Variants in MIEF1 observed in about 807,000 individuals in gnomAD.
The protein encoded by MIEF1 is mitochondrial elongation factor 1.
A neutral mutation model predicts 35.1 loss-of-function variants in MIEF1; 14 were observed. The observed-to-expected ratio is 0.40, with a 90% CI of 0.26 to 0.62. The LOEUF (loss-of-function observed/expected upper bound fraction) is 0.62, where lower values mean the gene tolerates loss of function less well. Among genes scored for constraint, MIEF1 ranks in the 20% least tolerant of loss-of-function variants. The probability of loss-of-function intolerance (pLI) is 0.43; values close to 1 mark genes in which losing one functional copy is unlikely to be tolerated. For synonymous variants in MIEF1, 245 were observed against 254.3 expected, an observed-to-expected ratio of 0.96 and a Z score of 0.35; for missense variants, 542 against 615.4, an observed-to-expected ratio of 0.88 and a Z score of 1.26.
chr22:39,503,349 A>G (rs1311209331), intron 1 of MIEF1: 15 of 152,216 alleles, frequency 9.9e-5, no homozygotes, highest in African/African-American at 3.1e-4. Context: ...CGAACATTGC[A>G]CGTTGTATAT....
intron 2 of MIEF1, among the ~76,000 whole-genome samples, chr22:39,509,115 T>C (rs777032889): frequency 2.0e-4 from 30 of 151,816 alleles, no homozygotes; most frequent in Non-Finnish European, 3.7e-4. Flanking sequence ...CCATCATGCC[T>C]GGCTAATTTT....
Position 39,512,260 on chromosome 22 carries a change from AG to A in MIEF1, c.352del (p.Val118TrpfsTer7), listed in dbSNP as rs1360517257. 6.2e-7 allele frequency: 1 copy of A among 1,613,726 alleles called. No individual in the cohort carries two copies. The highest frequency in any genetic ancestry group is 1.3e-5 in the African/African-American group (1 of 74,952). On this transcript the variant is annotated frameshift_variant, in exon 5 of 6. Transcript: ENST00000325301. LOFTEE classifies it high-confidence loss of function. Reference protein sequence around the residue: ...DTFCPPRPKPVARKGQVDLKK... With the variant: ...DTFCPPRPKPXARKGQVDLKK... ...CATTCTGCCCGCCCCGGCCCAAGCCAGTGGCCAGGAAGGGCCAGGTAGACTT... is the reference window on the plus strand; with the variant it reads ...CATTCTGCCCGCCCCGGCCCAAGCCATGGCCAGGAAGGGCCAGGTAGACTT...
Position 39,514,512 on chromosome 22 carries a change from T to C in MIEF1, c.*189T>C. 1 of 629,176 alleles carries C rather than the reference T, an allele frequency of 1.6e-6. No individual in the cohort carries two copies. Among genetic ancestry groups the C allele is most frequent in the Non-Finnish European group, 2.7e-6 (1 of 366,918 alleles). 39.0% of individuals were successfully genotyped at this position (629,176 alleles called of 1,614,324 possible). On this transcript the variant is annotated 3_prime_UTR_variant, in exon 6 of 6. Coordinates refer to ENST00000325301, the MANE Select transcript of MIEF1 (RefSeq NM_019008.6). Reference sequence around the variant, plus strand: ...CTATTTTGTTACCCAACTCTTCCTATTTTTGTTACCAATCACTGTGCTCTC... The same window carrying C: ...CTATTTTGTTACCCAACTCTTCCTACTTTTGTTACCAATCACTGTGCTCTC...
intron 2 of MIEF1, among the ~76,000 whole-genome samples, chr22:39,505,910 G>A (rs896745183): frequency 2.6e-5 from 4 of 152,164 alleles, no homozygotes; most frequent in African/African-American, 9.7e-5. Context: ...TGGGTGGAGG[G>A]TGCTGCTTTT....
At chr22:39,504,942 C>T (rs1038678427) in intron 2 of MIEF1, among the ~76,000 whole-genome samples, 1 of 152,174 alleles carries the variant, frequency 6.6e-6, no homozygotes, top group African/African-American at 2.4e-5. Context: ...CGCCTGTAAT[C>T]CCACCACTTT....
chr22:39,510,538 T>C (rs575051089), intron 2 of MIEF1, among the ~76,000 whole-genome samples: 2 of 152,336 alleles, frequency 1.3e-5, no homozygotes, highest in South Asian at 2.1e-4. Flanking sequence ...CCCGGGTAGC[T>C]AGGATTATAG....
chr22:39,515,676 G>A lies in MIEF1; in HGVS notation c.*1353G>A, dbSNP rs1320421542. The A allele has an allele frequency of 6.1e-6, 2 of 328,538 alleles. No individual in the cohort carries two copies. Among genetic ancestry groups the A allele is most frequent in the Non-Finnish European group, 1.1e-5 (2 of 178,650 alleles). The allele number at this position is 328,538 out of a possible 1,614,324, so 20.4% of individuals were successfully genotyped here. ...AATGTAAATGTATCCTGAAGGTGGGGAGGAATGTTTAATCTACCATGTCCG... is the reference window on the plus strand; with the variant it reads ...AATGTAAATGTATCCTGAAGGTGGGAAGGAATGTTTAATCTACCATGTCCG... On this transcript the variant is annotated 3_prime_UTR_variant, in exon 6 of 6. Transcript: ENST00000325301.
At chr22:39,512,852 C>T (rs1930431151) in intron 5 of MIEF1, among the ~76,000 whole-genome samples, 1 of 152,030 alleles carries the variant, frequency 6.6e-6, no homozygotes, top group Non-Finnish European at 1.5e-5. Flanking sequence ...TTTTGCCATG[C>T]CGGTCAGGCT....
In MIEF1 at chr22:39,513,627, G is replaced by T. The variant is rs1310231924; in HGVS notation, c.696G>T (p.Leu232=). ...DTIMNVPGFF[L]VRRENPEYFP... is the part of the protein sequence containing the mutation. ...TCATGAATGTCCCTGGCTTCTTCCT[G>T]GTGCGTCGTGAGAATCCAGAGTACT... The change falls in exon 6 of 6, where the codon CTG becomes CTT. Residue 232 remains leucine, a synonymous_variant. Coordinates refer to ENST00000325301, the MANE Select transcript of MIEF1 (RefSeq NM_019008.6). 4 of 1,614,042 alleles carry T rather than the reference G, an allele frequency of 2.5e-6. No individual in the cohort carries two copies. The highest frequency in any genetic ancestry group is 3.4e-6 in the Non-Finnish European group (4 of 1,180,042).
intron 2 of MIEF1, chr22:39,509,492 C>T (rs1456435194): frequency 6.6e-6 from 1 of 152,294 alleles, no homozygotes; most frequent in Non-Finnish European, 1.5e-5. Context: ...GAAGACTCCA[C>T]TGTAGTCGGG....
Position 39,515,349 on chromosome 22 carries a change from A to G in MIEF1, c.*1026A>G. 2.8e-6 allele frequency: 2 copies of G among 717,554 alleles called. No homozygotes were observed. The allele number at this position is 717,554 out of a possible 1,614,324, so 44.4% of individuals were successfully genotyped here. A position where few individuals can be genotyped will look rare whatever the true frequency, so the allele number is the denominator to read the frequency against. On this transcript the variant is annotated 3_prime_UTR_variant, in exon 6 of 6. Transcript: ENST00000325301. Reference sequence around the variant, plus strand: ...TTGGGGTTTGGTGGCCATGTTTTCTACCCAGACAGGCCCTGCTTTTCTAGG... The same window carrying G: ...TTGGGGTTTGGTGGCCATGTTTTCTGCCCAGACAGGCCCTGCTTTTCTAGG...
chr22:39,506,262 A>G (rs1211213184), intron 2 of MIEF1, among the ~76,000 whole-genome samples: 3 of 152,186 alleles, frequency 2.0e-5, no homozygotes, highest in Non-Finnish European at 1.5e-5. Flanking sequence ...CTGGGGATGC[A>G]GCAGTGAATG....
At chr22:39,505,142 C>G (rs1380957046) in intron 2 of MIEF1, among the ~76,000 whole-genome samples, 1 of 151,186 alleles carries the variant, frequency 6.6e-6, no homozygotes, top group Non-Finnish European at 1.5e-5. Flanking sequence ...TGCAGTGAAC[C>G]AAGATCGCGC....
intron 2 of MIEF1, among the ~76,000 whole-genome samples, chr22:39,509,042 G>A (rs1930195683): frequency 5.3e-5 from 8 of 151,964 alleles, no homozygotes; most frequent in Admixed American, 5.2e-4. Context: ...TGTCACCCAG[G>A]CTGGAGTGCA....
At chr22:39,507,469 T>C in intron 2 of MIEF1, among the ~76,000 whole-genome samples, 1 of 151,676 alleles carries the variant, frequency 6.6e-6, no homozygotes, top group Non-Finnish European at 1.5e-5. Flanking sequence ...ATGGTCTCGA[T>C]CTCCTGACCT....
In MIEF1 at chr22:39,516,226, A is replaced by G. The variant is rs1163131835; in HGVS notation, c.*1903A>G. 1 of 151,952 alleles carries G rather than the reference A, an allele frequency of 6.6e-6. No homozygotes were observed. The highest frequency in any genetic ancestry group is 1.9e-4 in the East Asian group (1 of 5,194). 9.4% of individuals were successfully genotyped at this position (151,952 alleles called of 1,614,324 possible). ...TGGATGAATCTAGAAGGTATGGGGTAGAGCTTGACAGGGTTCCTGTGTACC... is the reference window on the plus strand; with the variant it reads ...TGGATGAATCTAGAAGGTATGGGGTGGAGCTTGACAGGGTTCCTGTGTACC... On this transcript the variant is annotated 3_prime_UTR_variant, in exon 6 of 6. Coordinates refer to ENST00000325301, the MANE Select transcript of MIEF1 (RefSeq NM_019008.6).
chr22:39,500,654 T>G (rs1027157169), upstream of MIEF1, among the ~76,000 whole-genome samples: 6 of 151,810 alleles, frequency 4.0e-5, no homozygotes, highest in African/African-American at 1.5e-4. Context: ...CTCAGTGTCT[T>G]AGAAACTACT....
Position 39,514,147 on chromosome 22 carries a change from G to A in MIEF1, c.1216G>A (p.Asp406Asn), listed in dbSNP as rs904510879. The A allele has an allele frequency of 1.7e-5, 28 of 1,614,054 alleles. No individual in the cohort carries two copies. The highest frequency in any genetic ancestry group is 2.2e-5 in the Non-Finnish European group (26 of 1,180,050). ...TGACTGGTCTCCGGATATGCTGGCC[G>A]ACCGTTTCCTGCAGGCCTTGAGGGG... ...EADWSPDMLA[D>N]RFLQALRGLI... The change falls in exon 6 of 6, where the codon GAC becomes AAC. Residue 406 changes from aspartate (D) to asparagine (N), a missense_variant. Coordinates refer to ENST00000325301, the MANE Select transcript of MIEF1 (RefSeq NM_019008.6).
At chr22:39,504,642 G>T in intron 2 of MIEF1, 108 bp downstream of exon 2, 1 of 357,338 alleles carries the variant, frequency 2.8e-6, no homozygotes, top group Non-Finnish European at 5.0e-6. Flanking sequence ...AGAGCCAGGT[G>T]CACTGGTGTG....
Sources: allele counts gnomAD v4.1 joint callset (sites outside exome capture counted in the v4.1 genomes callset), GRCh38; gene constraint gnomAD v4.1.1; transcripts MANE v1.5; gene names NCBI Gene and HGNC (gene_info 2026-07-23, HGNC 2026-07-21).